Variants in SMG7 observed in about 807,000 individuals in gnomAD.
SMG7 encodes SMG7 nonsense mediated mRNA decay factor.
SMG7 carries 34 observed loss-of-function variants against 148.2 expected under a neutral mutation model. That is an observed-to-expected ratio of 0.23 (90% CI 0.17 to 0.31). The LOEUF (loss-of-function observed/expected upper bound fraction) is 0.31, where lower values mean the gene tolerates loss of function less well. Ranked by LOEUF, SMG7 falls within the 10% of genes least tolerant of loss-of-function variation. SMG7 has a pLI of 1.00. For missense variants in SMG7, 1,114 were observed against 1,408.4 expected, an observed-to-expected ratio of 0.79 and a Z score of 3.35; for synonymous variants, 492 against 515.1, an observed-to-expected ratio of 0.96 and a Z score of 0.61.
At chr1:183,537,837 C>T (rs965184392) in intron 11 of SMG7, among the ~76,000 whole-genome samples, 1 of 152,174 alleles carries the variant, frequency 6.6e-6, no homozygotes, top group African/African-American at 2.4e-5. Context: ...TTAAAATTTT[C>T]CCCATTATAA....
chr1:183,520,321 GTTAA>G (rs1277243193), intron 4 of SMG7, among the ~76,000 whole-genome samples: 5 of 151,976 alleles, frequency 3.3e-5, no homozygotes, highest in African/African-American at 1.2e-4. Context: ...GATTCTACAT[GTTAA>G]TTGAGTAGTC....
intron 2 of SMG7, among the ~76,000 whole-genome samples, chr1:183,515,090 G>T (rs1390885419): frequency 1.3e-5 from 2 of 152,154 alleles, no homozygotes; most frequent in African/African-American, 4.8e-5. Flanking sequence ...AAAGGTTAAT[G>T]TGCCTTGCAT....
chr1:183,511,405 G>T (rs1662127838), intron 1 of SMG7, among the ~76,000 whole-genome samples: 1 of 152,164 alleles, frequency 6.6e-6, no homozygotes, highest in African/African-American at 2.4e-5. Context: ...GTAATGTTCT[G>T]ACTGAGATAA....
intron 3 of SMG7, among the ~76,000 whole-genome samples, chr1:183,517,413 TAAACTC>T (rs1663790397): frequency 6.6e-6 from 1 of 152,228 alleles, no homozygotes; most frequent in African/African-American, 2.4e-5. Flanking sequence ...GATTCCTAAA[TAAACTC>T]TAGTAGTTCT....
intron 1 of SMG7, among the ~76,000 whole-genome samples, chr1:183,482,069 A>G (rs1654267309): frequency 6.6e-6 from 1 of 152,194 alleles, no homozygotes; most frequent in Non-Finnish European, 1.5e-5. Context: ...GCCTCAGTGC[A>G]GTGTGTTTGA....
At chr1:183,479,498 T>C (rs1370475761) in intron 1 of SMG7, among the ~76,000 whole-genome samples, 1 of 152,194 alleles carries the variant, frequency 6.6e-6, no homozygotes, top group African/African-American at 2.4e-5. Context: ...ATATATGCAC[T>C]GCATGGGTTC....
intron 1 of SMG7, among the ~76,000 whole-genome samples, chr1:183,499,446 G>A (rs1042401824): frequency 6.6e-6 from 1 of 152,168 alleles, no homozygotes; most frequent in Non-Finnish European, 1.5e-5. Context: ...CATTCTAATA[G>A]TGTAGTCGTA....
At chr1:183,480,353 T>G (rs762509490) in intron 1 of SMG7, among the ~76,000 whole-genome samples, 29 of 152,166 alleles carry the variant, frequency 1.9e-4, no homozygotes, top group Non-Finnish European at 3.4e-4. Flanking sequence ...CTAACCTATG[T>G]TTTTCCTTTA....
chr1:183,538,589 A>G, intron 12 of SMG7, 149 bp downstream of exon 12: 1 of 663,220 alleles, frequency 1.5e-6, no homozygotes, highest in South Asian at 1.8e-5. Context: ...GTTGTTGTGA[A>G]TTGGATTTGT....
chr1:183,477,744 G>A lies in SMG7; in HGVS notation c.29+5095G>A, dbSNP rs147829566. On this transcript the variant is annotated intron_variant, in intron 1 of 22. Transcript: ENST00000688051. ...CATGTGTATATATGCATATATACAT[G>A]TGTGTGCATATGTGTGCATATATAC... 8.9e-4 allele frequency among the ~76,000 whole-genome samples: 130 copies of A among 146,870 alleles called. 3 individuals carry two copies. Among genetic ancestry groups the A allele is most frequent in the African/African-American group, 3.4e-3 (127 of 37,310 alleles).
intron 8 of SMG7, 150 bp downstream of exon 8, chr1:183,529,683 C>T (rs1054026329): frequency 3.2e-6 from 2 of 633,582 alleles, no homozygotes; most frequent in Non-Finnish European, 5.3e-6. Flanking sequence ...TTGCATTTAT[C>T]ATCCCTTCAA....
intron 16 of SMG7, 31 bp downstream of exon 16, chr1:183,545,343 G>A (rs756227365): frequency 5.0e-6 from 8 of 1,585,046 alleles, no homozygotes; most frequent in Non-Finnish European, 6.9e-6. Context: ...CTATCCAGCT[G>A]AATGAAATAA....
chr1:183,501,384 A>T (rs1395616324), intron 1 of SMG7: 1 of 152,242 alleles, frequency 6.6e-6, no homozygotes, highest in Non-Finnish European at 1.5e-5. Context: ...AGGCAGTTTG[A>T]ATATAAGACA....
intron 1 of SMG7, among the ~76,000 whole-genome samples, chr1:183,508,376 A>G (rs1016854314): frequency 1.3e-5 from 2 of 152,002 alleles, no homozygotes; most frequent in South Asian, 2.1e-4. Context: ...TATTTTTTGT[A>G]GAGATGAAGT....
Position 183,496,317 on chromosome 1 carries a change from G to T in SMG7, c.30-16520G>T, listed in dbSNP as rs144656972. On this transcript the variant is annotated intron_variant, in intron 1 of 22. Coordinates refer to ENST00000688051, the MANE Select transcript of SMG7 (RefSeq NM_001375584.1). ...AAGTCCCTATGGCCCTCATGAGACTGTATTTACCCATTATGTTTCTCTATT... is the reference window on the plus strand; with the variant it reads ...AAGTCCCTATGGCCCTCATGAGACTTTATTTACCCATTATGTTTCTCTATT... Among the ~76,000 whole-genome samples, 3 of 152,102 alleles carry T rather than the reference G, an allele frequency of 2.0e-5. No homozygotes were observed. The East Asian group carries it at 5.8e-4, about 29-fold the overall frequency.
At chr1:183,504,303 C>T (rs1179783996) in intron 1 of SMG7, among the ~76,000 whole-genome samples, 2 of 151,760 alleles carry the variant, frequency 1.3e-5, no homozygotes, top group Admixed American at 6.6e-5. Flanking sequence ...GGTCTTCTAG[C>T]GATTTTTCTG....
intron 2 of SMG7, among the ~76,000 whole-genome samples, chr1:183,515,309 A>T (rs1485428220): frequency 2.0e-5 from 3 of 152,184 alleles, no homozygotes; most frequent in African/African-American, 7.2e-5. Flanking sequence ...TAATACTGTC[A>T]TGGCTTATTC....
intron 1 of SMG7, among the ~76,000 whole-genome samples, chr1:183,504,775 C>T (rs550993542): frequency 9.7e-4 from 148 of 152,286 alleles, no homozygotes; most frequent in African/African-American, 3.5e-3. Flanking sequence ...CTCTTACTTT[C>T]AGACACAGAT....
At chr1:183,507,204 T>C (rs1174934431) in intron 1 of SMG7, among the ~76,000 whole-genome samples, 1 of 152,196 alleles carries the variant, frequency 6.6e-6, no homozygotes, top group African/African-American at 2.4e-5. Context: ...TAAAAGAGAT[T>C]ATCCTGTATT....
Sources: allele counts gnomAD v4.1 joint callset (sites outside exome capture counted in the v4.1 genomes callset), GRCh38; gene constraint gnomAD v4.1.1; transcripts MANE v1.5; gene names NCBI Gene and HGNC (gene_info 2026-07-23, HGNC 2026-07-21).